Variants in WDR45B observed in about 807,000 individuals in gnomAD.
The protein encoded by WDR45B is WD repeat domain phosphoinositide-interacting protein 3.
Under a neutral mutation model 44.6 loss-of-function variants are expected in WDR45B, and 20 were observed. That is an observed-to-expected ratio of 0.45 (90% confidence interval 0.32 to 0.65). WDR45B has a LOEUF of 0.65. WDR45B is among the 30% of genes least tolerant of loss of function. The probability of loss-of-function intolerance (pLI) is 0.05; values close to 1 mark genes in which losing one functional copy is unlikely to be tolerated. For synonymous variants in WDR45B, 169 were observed against 164.9 expected, an observed-to-expected ratio of 1.02 and a Z score of -0.19; for missense variants, 323 against 430.2, an observed-to-expected ratio of 0.75 and a Z score of 2.20.
At chr17:82,621,820 C>T (rs1369142320) in intron 5 of WDR45B, 21 bp from the exon 6 acceptor site, 24 of 1,613,464 alleles carry the variant, frequency 1.5e-5, no homozygotes, top group Non-Finnish European at 2.0e-5. Context: ...ACAGAGGACA[C>T]CAATCAAGAA....
chr17:82,631,976 G>T (rs887939854), intron 2 of WDR45B, among the ~76,000 whole-genome samples: 2 of 151,838 alleles, frequency 1.3e-5, no homozygotes, highest in African/African-American at 4.8e-5. Context: ...CAGCCACTCA[G>T]GAGCTGAGGC....
At chr17:82,636,888 C>T (rs1422047982) in intron 2 of WDR45B, among the ~76,000 whole-genome samples, 7 of 151,956 alleles carry the variant, frequency 4.6e-5, no homozygotes, top group Admixed American at 4.6e-4. Context: ...CATCCCCCTC[C>T]CCTTCTATAT....
At chr17:82,625,636 C>T in intron 4 of WDR45B, 153 bp from the exon 5 acceptor site, 2 of 780,378 alleles carry the variant, frequency 2.6e-6, no homozygotes, top group Non-Finnish European at 4.2e-6. Flanking sequence ...GGCAGGTAGC[C>T]AGCGCCAGGC....
At chr17:82,636,943 T>C (rs980001267) in intron 2 of WDR45B, among the ~76,000 whole-genome samples, 7 of 151,986 alleles carry the variant, frequency 4.6e-5, no homozygotes, top group Non-Finnish European at 1.0e-4. Flanking sequence ...GCTCAGATTG[T>C]GCAGTCCGAC....
intron 2 of WDR45B, among the ~76,000 whole-genome samples, chr17:82,635,570 C>T (rs1029541839): frequency 5.3e-5 from 8 of 151,410 alleles, no homozygotes; most frequent in African/African-American, 1.9e-4. Context: ...GGATTACAGG[C>T]GCCCATCACA....
At chr17:82,621,820 C>A (rs1369142320) in intron 5 of WDR45B, 21 bp from the exon 6 acceptor site, 4 of 1,613,346 alleles carry the variant, frequency 2.5e-6, no homozygotes, top group Non-Finnish European at 3.4e-6. Flanking sequence ...ACAGAGGACA[C>A]CAATCAAGAA....
At chr17:82,630,093 G>A in intron 3 of WDR45B, 2 of 636,158 alleles carry the variant, frequency 3.1e-6, no homozygotes, top group Non-Finnish European at 3.9e-6. Flanking sequence ...ACTGGGCTCA[G>A]ACGAGGATGC....
chr17:82,631,135 A>G, intron 2 of WDR45B, 113 bp from the exon 3 acceptor site: 1 of 1,035,548 alleles, frequency 9.7e-7, no homozygotes, highest in Non-Finnish European at 1.5e-6. Context: ...ATTTTTTGTA[A>G]GAGACAAGAT....
intron 2 of WDR45B, among the ~76,000 whole-genome samples, chr17:82,638,162 G>A (rs989176321): frequency 1.5e-5 from 2 of 133,104 alleles, no homozygotes; most frequent in African/African-American, 3.0e-5. Context: ...CTCCAGCCTG[G>A]GAGAGATTCT....
intron 2 of WDR45B, among the ~76,000 whole-genome samples, chr17:82,632,392 C>T (rs1306536893): frequency 6.6e-6 from 1 of 152,046 alleles, no homozygotes; most frequent in Non-Finnish European, 1.5e-5. Context: ...GTCGTGAACT[C>T]CTGGTCTCAA....
intron 2 of WDR45B, among the ~76,000 whole-genome samples, chr17:82,640,969 G>GTTTTTT (rs398031785): frequency 0.092 from 12,135 of 131,718 alleles, 974 homozygotes; most frequent in Middle Eastern, 0.19. Context: ...TCTTGTCTGG[G>GTTTTTT]TTTTTTTTTT....
At chr17:82,633,275 C>T (rs1294364732) in intron 2 of WDR45B, among the ~76,000 whole-genome samples, 7 of 151,974 alleles carry the variant, frequency 4.6e-5, no homozygotes. Flanking sequence ...AACGGCAGAG[C>T]ATATTTACAA....
chr17:82,627,457 A>G (rs2045713286), intron 3 of WDR45B, among the ~76,000 whole-genome samples, 166 bp from the exon 4 acceptor site: 1 of 152,214 alleles, frequency 6.6e-6, no homozygotes, highest in Non-Finnish European at 1.5e-5. Flanking sequence ...TTGGGGTGTA[A>G]CTCAAACCGT....
At chr17:82,625,274 G>T in intron 5 of WDR45B, 115 bp downstream of exon 5, 1 of 998,888 alleles carries the variant, frequency 1.0e-6, no homozygotes, top group Non-Finnish European at 1.6e-6. Context: ...TCTGTGCTCA[G>T]GATTGCTCTC....
chr17:82,641,790 C>T lies in WDR45B; in HGVS notation c.142+2159G>A, dbSNP rs555358934. ...GCAGGTGCCTGCAATCCCAGCTACTCGGGAGGCTGAGGCAGGAGAAAGGCC... is the reference window on the plus strand; with the variant it reads ...GCAGGTGCCTGCAATCCCAGCTACTTGGGAGGCTGAGGCAGGAGAAAGGCC... On this transcript the variant is annotated intron_variant, in intron 2 of 9. Coordinates refer to ENST00000392325, the MANE Select transcript of WDR45B (RefSeq NM_019613.4). Among the ~76,000 whole-genome samples the T allele has an allele frequency of 3.3e-5, 5 of 151,974 alleles. No individual in the cohort carries two copies. In the East Asian group the frequency reaches 7.8e-4, roughly 24 times the overall value.
At chr17:82,617,774 A>G (rs1035944116) in intron 7 of WDR45B, among the ~76,000 whole-genome samples, 1 of 152,152 alleles carries the variant, frequency 6.6e-6, no homozygotes, top group Non-Finnish European at 1.5e-5. Flanking sequence ...TGGCCTCAGG[A>G]AGGTGCAGGC....
chr17:82,637,744 TA>T (rs1568013859), intron 2 of WDR45B, among the ~76,000 whole-genome samples: 1 of 151,992 alleles, frequency 6.6e-6, no homozygotes, highest in African/African-American at 2.4e-5. Context: ...GGCAAGGTAT[TA>T]GGGGAAGGAC....
chr17:82,630,753 G>T (rs2045756527), intron 3 of WDR45B, among the ~76,000 whole-genome samples, 168 bp downstream of exon 3: 1 of 152,120 alleles, frequency 6.6e-6, no homozygotes, highest in South Asian at 2.1e-4. Flanking sequence ...GCTCCATCTG[G>T]GAATAGAGAC....
Position 82,627,224 on chromosome 17 carries a change from T to G in WDR45B, c.312A>C (p.Ala104=), listed in dbSNP as rs1280944543. The change falls in exon 4 of 10, where the codon GCA becomes GCC. Residue 104 remains alanine, a synonymous_variant. Coordinates refer to ENST00000392325, the MANE Select transcript of WDR45B (RefSeq NM_019613.4). ...CCCACCTATCTCGCCGCAGCTTGAC[T>G]GCCTTGACTTCTGTAGAAAATTCTA... The part of the protein sequence containing the change: ...IEIEFSTEVK[A]VKLRRDRIVV... 2.5e-6 allele frequency: 4 copies of G among 1,613,718 alleles called. No individual in the cohort carries two copies. The highest frequency in any genetic ancestry group is 1.7e-4 in the Middle Eastern group (1 of 5,816).
Sources: allele counts gnomAD v4.1 joint callset (sites outside exome capture counted in the v4.1 genomes callset), GRCh38; gene constraint gnomAD v4.1.1; transcripts MANE v1.5; gene names NCBI Gene and HGNC (gene_info 2026-07-23, HGNC 2026-07-21).